Variants in PDXK observed in about 807,000 individuals in gnomAD.
PDXK encodes the protein pyridoxal kinase, also known as epididymis secretory sperm binding protein Li 1a.
PDXK carries 15 observed loss-of-function variants against 43.2 expected under a neutral mutation model. The observed-to-expected ratio is 0.35, with a 90% CI of 0.23 to 0.53. The LOEUF is 0.53. Among genes scored for constraint, PDXK ranks in the 20% least tolerant of loss-of-function variants. The pLI is 0.92. For missense variants in PDXK, 343 were observed against 417.0 expected, an observed-to-expected ratio of 0.82 and a Z score of 1.54; for synonymous variants, 172 against 165.4, an observed-to-expected ratio of 1.04 and a Z score of -0.31.
At chr21:43,753,888 C>T (rs975621112) in intron 9 of PDXK, among the ~76,000 whole-genome samples, 169 bp downstream of exon 9, 9 of 152,252 alleles carry the variant, frequency 5.9e-5, no homozygotes, top group Admixed American at 1.3e-4. Context: ...GGAGTTGCGC[C>T]TGTCACTCTC....
chr21:43,726,662 C>T (rs1040286935), intron 1 of PDXK, among the ~76,000 whole-genome samples: 6 of 152,192 alleles, frequency 3.9e-5, no homozygotes, highest in African/African-American at 1.4e-4. Context: ...CCCACCTCAG[C>T]CTCCCAAAGT....
At position 43,737,384 on chromosome 21, in the gene PDXK, C is replaced by A. The variant is rs760718247; in HGVS notation, c.142+3261C>A. Reference sequence around the variant, plus strand: ...ACAAGGTGCGTTCATTTTTCCACACCGTGAGCTGGGCTTGGCAGAGCCTCC... The same window carrying A: ...ACAAGGTGCGTTCATTTTTCCACACAGTGAGCTGGGCTTGGCAGAGCCTCC... On this transcript the variant is annotated intron_variant, in intron 2 of 10. Coordinates refer to ENST00000291565, the MANE Select transcript of PDXK (RefSeq NM_003681.5). This position sits in a 1 kb window ranked among gnomAD's most constrained non-coding sequence, Gnocchi z 4.8. 2.0e-4 allele frequency: 234 copies of A among 1,191,964 alleles called. No homozygotes were observed. Among genetic ancestry groups the A allele is most frequent in the Non-Finnish European group, 2.4e-4 (226 of 955,040 alleles). The allele number at this position is 1,191,964 out of a possible 1,614,324, so 73.8% of individuals were successfully genotyped here. A position where few individuals can be genotyped will look rare whatever the true frequency, so the allele number is the denominator to read the frequency against.
chr21:43,748,649 C>T (rs1430451621), intron 5 of PDXK, among the ~76,000 whole-genome samples: 1 of 152,200 alleles, frequency 6.6e-6, no homozygotes, highest in African/African-American at 2.4e-5. Context: ...ATGACCAGGG[C>T]TGCTCCATCC....
At chr21:43,729,184 A>C (rs1568974120) in intron 1 of PDXK, among the ~76,000 whole-genome samples, 1 of 152,152 alleles carries the variant, frequency 6.6e-6, no homozygotes, top group African/African-American at 2.4e-5. Flanking sequence ...GTAGAGGCTG[A>C]GCAGGAGCTT....
intron 1 of PDXK, among the ~76,000 whole-genome samples, chr21:43,722,433 G>A (rs532498114): frequency 1.3e-5 from 2 of 152,306 alleles, no homozygotes; most frequent in Non-Finnish European, 2.9e-5. Flanking sequence ...TAACCCTAAG[G>A]TACACAGCTG....
At chr21:43,731,321 C>T (rs2083314764) in intron 1 of PDXK, among the ~76,000 whole-genome samples, 3 of 152,200 alleles carry the variant, frequency 2.0e-5, no homozygotes, top group Admixed American at 2.0e-4. Context: ...GGGCTCATGT[C>T]ATTCAATTAA....
rs942917529 is a variant in PDXK at position 43,757,623 on chromosome 21, C to T, written c.*1560C>T. The T allele has an allele frequency of 6.6e-6, 1 of 152,218 alleles. No individual in the cohort carries two copies. Among genetic ancestry groups the T allele is most frequent in the Non-Finnish European group, 1.5e-5 (1 of 68,052 alleles). 9.4% of individuals were successfully genotyped at this position (152,218 alleles called of 1,614,324 possible). Reference sequence around the variant, plus strand: ...TATATGGAACCCCCACCCCCTCCCCCACTCTCCCACTCTGTTCGTTCTGAA... The same window carrying T: ...TATATGGAACCCCCACCCCCTCCCCTACTCTCCCACTCTGTTCGTTCTGAA... On this transcript the variant is annotated 3_prime_UTR_variant, in exon 11 of 11. Transcript: ENST00000291565.
Position 43,732,076 on chromosome 21 carries a change from C to T in PDXK, c.88-1993C>T. The T allele has an allele frequency of 1.9e-6, 2 of 1,070,260 alleles. No homozygotes were observed. The highest frequency in any genetic ancestry group is 2.4e-6 in the Non-Finnish European group (2 of 847,902). 66.3% of individuals were successfully genotyped at this position (1,070,260 alleles called of 1,614,324 possible). A position where few individuals can be genotyped will look rare whatever the true frequency, so the allele number is the denominator to read the frequency against. ...GAAGGGACGGTCACTACCGCTGCCCCTGTGGGGAGAAGAGCCCCGGGGGAA... is the reference window on the plus strand; with the variant it reads ...GAAGGGACGGTCACTACCGCTGCCCTTGTGGGGAGAAGAGCCCCGGGGGAA... On this transcript the variant is annotated intron_variant, in intron 1 of 10. Transcript: ENST00000291565. The surrounding 1 kb of genome is among the most constrained non-coding windows in gnomAD (Gnocchi z 4.1).
rs2083422332 is a variant in PDXK, at chr21:43,737,336, C to T, written c.142+3213C>T. ...ACTTCTGCCCCTTCCCCCGGCCAGG[C>T]CCCCGTTCCTTGAGGCCGTACCACA... On this transcript the variant is annotated intron_variant, in intron 2 of 10. Coordinates refer to ENST00000291565, the MANE Select transcript of PDXK (RefSeq NM_003681.5). The surrounding 1 kb of genome is among the most constrained non-coding windows in gnomAD (Gnocchi z 4.8). 1.5e-6 allele frequency: 2 copies of T among 1,339,138 alleles called. No homozygotes were observed. Among genetic ancestry groups the T allele is most frequent in the Non-Finnish European group, 1.9e-6 (2 of 1,043,452 alleles). 83.0% of individuals were successfully genotyped at this position (1,339,138 alleles called of 1,614,324 possible). A position where few individuals can be genotyped will look rare whatever the true frequency, so the allele number is the denominator to read the frequency against.
intron 1 of PDXK, 157 bp from the exon 2 acceptor site, chr21:43,733,912 C>A: frequency 1.4e-6 from 1 of 702,720 alleles, no homozygotes; most frequent in Non-Finnish European, 2.5e-6. Context: ...TCGGGGAGAG[C>A]CTCCTGCTCT....
chr21:43,733,684 CT>C, intron 1 of PDXK: 1 of 1,084,422 alleles, frequency 9.2e-7, no homozygotes, highest in Non-Finnish European at 1.1e-6. Flanking sequence ...CTCCCAGCCT[CT>C]GTTCAGTGTG....
rs2083328279 is a variant in PDXK at position 43,732,244 on chromosome 21, TC to T, written c.88-1823del. ...CATGGTCCGGCACAGAGCGCTGGCTTCCAGCTGAAGGACATGTGTAACAGCA... is the reference window on the plus strand; with the variant it reads ...CATGGTCCGGCACAGAGCGCTGGCTTCAGCTGAAGGACATGTGTAACAGCA... On this transcript the variant is annotated intron_variant, in intron 1 of 10. Transcript: ENST00000291565. This position sits in a 1 kb window ranked among gnomAD's most constrained non-coding sequence, Gnocchi z 4.1. 2 of 1,472,746 alleles carry T rather than the reference TC, an allele frequency of 1.4e-6. No individual in the cohort carries two copies. The highest frequency in any genetic ancestry group is 5.0e-5 in the Admixed American group (2 of 40,056). 91.2% of individuals were successfully genotyped at this position (1,472,746 alleles called of 1,614,324 possible).
rs1168832532 is a variant in PDXK at position 43,732,327 on chromosome 21, C to T, written c.88-1742C>T. 24 of 1,605,604 alleles carry T rather than the reference C, an allele frequency of 1.5e-5. No individual in the cohort carries two copies. The highest frequency in any genetic ancestry group is 1.6e-4 in the Middle Eastern group (1 of 6,064). ...CGTCCTGGACCTTGGCACCCCGCCC[C>T]CCGTGCATTGTCGTCTTCTGAGTCT... On this transcript the variant is annotated intron_variant, in intron 1 of 10. Transcript: ENST00000291565. The surrounding 1 kb of genome is among the most constrained non-coding windows in gnomAD (Gnocchi z 4.1).
At chr21:43,727,613 G>A (rs974741346) in intron 1 of PDXK, among the ~76,000 whole-genome samples, 5 of 152,190 alleles carry the variant, frequency 3.3e-5, no homozygotes, top group South Asian at 2.1e-4. Flanking sequence ...ACAGCTAAAC[G>A]AGGAAGCTGT....
chr21:43,740,117 C>T (rs57983053), intron 2 of PDXK, among the ~76,000 whole-genome samples: 24,867 of 152,052 alleles, frequency 0.16, 2,551 homozygotes, highest in African/African-American at 0.19. Flanking sequence ...ACAGGGCAGG[C>T]GCCCCCAGGT....
intron 2 of PDXK, among the ~76,000 whole-genome samples, chr21:43,736,781 C>T (rs2147243221): frequency 6.6e-6 from 1 of 151,934 alleles, no homozygotes; most frequent in Middle Eastern, 3.4e-3. Context: ...TACAGGTGTG[C>T]ACCACCACAC....
chr21:43,729,750 G>A (rs2083294352), intron 1 of PDXK, among the ~76,000 whole-genome samples: 1 of 152,004 alleles, frequency 6.6e-6, no homozygotes, highest in Admixed American at 6.6e-5. Context: ...GACCAGCCTG[G>A]GCAATATAGG....
At chr21:43,752,289 G>A (rs1209023537) in intron 7 of PDXK, among the ~76,000 whole-genome samples, 1 of 152,258 alleles carries the variant, frequency 6.6e-6, no homozygotes, top group Non-Finnish European at 1.5e-5. Context: ...CACCTGTGGG[G>A]AGCCACACGG....
At chr21:43,738,035 T>G (rs2083433812) in intron 2 of PDXK, 2 of 985,464 alleles carry the variant, frequency 2.0e-6, no homozygotes, top group Non-Finnish European at 2.4e-6. Context: ...CCCGGCCAAG[T>G]GCTGGACGTC....
Sources: allele counts gnomAD v4.1 joint callset (sites outside exome capture counted in the v4.1 genomes callset), GRCh38; gene constraint gnomAD v4.1.1; non-coding constraint Gnocchi (gnomAD v3.1); transcripts MANE v1.5; gene names NCBI Gene and HGNC (gene_info 2026-07-23, HGNC 2026-07-21).